RFX8: variants seen among roughly 807,000 people sequenced by gnomAD.
The protein encoded by RFX8 is regulatory factor X8.
A neutral mutation model predicts 54.6 loss-of-function variants in RFX8; 46 were observed. The observed-to-expected ratio is 0.84, with a 90% CI of 0.67 to 1.08. The LOEUF is 1.08. Ranked by LOEUF, RFX8 falls within the 50% of genes least tolerant of loss-of-function variation. The pLI, the probability that RFX8 is intolerant of heterozygous loss-of-function variation, is 0.00. For synonymous variants in RFX8, 192 were observed against 209.5 expected (o/e 0.92, Z 0.72); for missense variants, 536 against 562.3 (o/e 0.95, Z 0.47).
chr2:101,449,438 C>T (rs1196058928), intron 2 of RFX8, among the ~76,000 whole-genome samples: 1 of 151,926 alleles, frequency 6.6e-6, no homozygotes, highest in Non-Finnish European at 1.5e-5. Flanking sequence ...ATATGGGTTA[C>T]CAAAAAGAGT....
chr2:101,421,483 C>G, intron 4 of RFX8: 1 of 1,193,492 alleles, frequency 8.4e-7, no homozygotes, highest in Non-Finnish European at 1.0e-6. Context: ...GTATTTAGAG[C>G]CTAAAGTTAT....
chr2:101,460,314 G>A (rs1329994037), intron 2 of RFX8, among the ~76,000 whole-genome samples: 1 of 130,614 alleles, frequency 7.7e-6, no homozygotes, highest in Non-Finnish European at 1.7e-5. Flanking sequence ...GAAATCACCT[G>A]TCTTTCTGCG....
intron 2 of RFX8, among the ~76,000 whole-genome samples, chr2:101,450,014 G>A (rs570311678): frequency 3.4e-4 from 52 of 152,228 alleles, no homozygotes; most frequent in African/African-American, 1.2e-3. Context: ...TTGGCAACTG[G>A]ATGACACTCA....
intron 3 of RFX8, 86 bp downstream of exon 3, chr2:101,422,276 A>G (rs1686910276): frequency 1.4e-6 from 1 of 729,410 alleles, no homozygotes; most frequent in African/African-American, 1.7e-5. Context: ...TGACACAATC[A>G]TGACCACAGG....
chr2:101,429,302 G>T (rs1431914638), intron 2 of RFX8, among the ~76,000 whole-genome samples: 1 of 152,130 alleles, frequency 6.6e-6, no homozygotes, highest in East Asian at 1.9e-4. Flanking sequence ...TGTGGGAAAA[G>T]AAAAATCATC....
At chr2:101,464,888 G>A (rs1418234521) in intron 2 of RFX8, among the ~76,000 whole-genome samples, 1 of 152,150 alleles carries the variant, frequency 6.6e-6, no homozygotes, top group African/African-American at 2.4e-5. Flanking sequence ...GGCATCCCAT[G>A]GAGCTAAAAC....
At chr2:101,407,141 A>T (rs79805304) in intron 9 of RFX8, among the ~76,000 whole-genome samples, 1 of 152,170 alleles carries the variant, frequency 6.6e-6, no homozygotes, top group Non-Finnish European at 1.5e-5. Context: ...GCTCCACCAC[A>T]TGTCTTTGAG....
intron 10 of RFX8, 50 bp downstream of exon 10, chr2:101,405,893 G>A (rs1224426245): frequency 8.6e-7 from 1 of 1,161,834 alleles, no homozygotes; most frequent in Non-Finnish European, 1.2e-6. Flanking sequence ...ATGCCATAAT[G>A]ACATTTTTAA....
intron 2 of RFX8, among the ~76,000 whole-genome samples, chr2:101,426,325 G>GC: frequency 6.6e-6 from 1 of 151,778 alleles, no homozygotes; most frequent in African/African-American, 2.4e-5. Context: ...CATAGTAAGA[G>GC]CCTGTCTCTA....
intron 2 of RFX8, among the ~76,000 whole-genome samples, chr2:101,459,963 C>T (rs1007931621): frequency 5.9e-5 from 9 of 152,290 alleles, no homozygotes; most frequent in African/African-American, 1.9e-4. Context: ...GCCCCACCCC[C>T]CACCTGGCCG....
intron 2 of RFX8, among the ~76,000 whole-genome samples, chr2:101,439,553 A>G (rs536539916): frequency 1.3e-5 from 2 of 149,060 alleles, no homozygotes; most frequent in Admixed American, 6.6e-5. Context: ...CATATACATT[A>G]TGAGTTAATT....
At chr2:101,427,977 C>G (rs956917562) in intron 2 of RFX8, among the ~76,000 whole-genome samples, 18 of 152,160 alleles carry the variant, frequency 1.2e-4, no homozygotes, top group African/African-American at 4.1e-4. Flanking sequence ...ATCCCCCCCG[C>G]CCCCCGCAGG....
At chr2:101,417,801 A>C (rs1280755371) in intron 5 of RFX8, 117 bp from the exon 6 acceptor site, 1 of 733,040 alleles carries the variant, frequency 1.4e-6, no homozygotes, top group Non-Finnish European at 2.2e-6. Context: ...GTCCCCACCC[A>C]GGTTGAAGGG....
chr2:101,397,640 G>T lies in RFX8; in HGVS notation c.1330C>A (p.Leu444Ile). ...ATCACAAATTGTTGTCCATCTTTTA[G>T]GGTTATGAGGGCTTCTTGTCCCATA... ...LPMGQEALITLKDGQQFVIQI... is the reference protein window; with the variant it reads ...LPMGQEALITIKDGQQFVIQI... The change falls in exon 12 of 12, where the codon CTA (leucine) becomes ATA (isoleucine). Residue 444 changes from leucine (L) to isoleucine (I), a missense_variant. Leu to Ile is a conservative substitution (Grantham distance 5). Coordinates refer to ENST00000428343, the MANE Select transcript of RFX8 (RefSeq NM_001145664.2). The T allele has an allele frequency of 6.4e-7, 1 of 1,551,364 alleles. No individual in the cohort carries two copies. Among genetic ancestry groups the T allele is most frequent in the Non-Finnish European group, 8.7e-7 (1 of 1,146,806 alleles).
rs1003620127 is a variant in RFX8 at position 101,425,932 on chromosome 2, A to G, written c.73-3460T>C. 2.6e-5 allele frequency among the ~76,000 whole-genome samples: 4 copies of G among 152,216 alleles called. 1 individual carries two copies. The highest frequency in any genetic ancestry group is 2.6e-4 in the Admixed American group (4 of 15,286). ...GAAGAGGATGGAGAGAAGTTGATCA[A>G]TGGGTACAAACAGACAGAAGAAATG... On this transcript the variant is annotated intron_variant, in intron 2 of 11. Transcript: ENST00000428343.
chr2:101,426,473 C>G (rs538249899), intron 2 of RFX8, among the ~76,000 whole-genome samples: 4 of 152,114 alleles, frequency 2.6e-5, no homozygotes, highest in Admixed American at 6.6e-5. Flanking sequence ...GAGCTGTGAT[C>G]GTGCCACTGC....
chr2:101,446,086 G>A (rs1268029269), intron 2 of RFX8, among the ~76,000 whole-genome samples: 1 of 146,716 alleles, frequency 6.8e-6, no homozygotes, highest in Non-Finnish European at 1.5e-5. Context: ...CATTGGCAGT[G>A]AAGTTATCCT....
At chr2:101,426,438 G>A (rs753313360) in intron 2 of RFX8, among the ~76,000 whole-genome samples, 1 of 152,172 alleles carries the variant, frequency 6.6e-6, no homozygotes, top group Non-Finnish European at 1.5e-5. Context: ...AAGTTGGCTT[G>A]AGCCTAGAAG....
At position 101,425,585 on chromosome 2, in the gene RFX8, A is replaced by C. The variant is rs893709169; in HGVS notation, c.73-3113T>G. Among the ~76,000 whole-genome samples, 4 of 152,266 alleles carry C rather than the reference A, an allele frequency of 2.6e-5. No homozygotes were observed. In the East Asian group the frequency reaches 7.7e-4, roughly 29 times the overall value. On this transcript the variant is annotated intron_variant, in intron 2 of 11. Coordinates refer to ENST00000428343, the MANE Select transcript of RFX8 (RefSeq NM_001145664.2). Reference sequence around the variant, plus strand: ...GAAACAATTACAAGGAGAATATAAAAGTGTTTTATTACACAACATAATAAA... The same window carrying C: ...GAAACAATTACAAGGAGAATATAAACGTGTTTTATTACACAACATAATAAA...
Sources: allele counts gnomAD v4.1 joint callset (sites outside exome capture counted in the v4.1 genomes callset), GRCh38; gene constraint gnomAD v4.1.1; transcripts MANE v1.5; gene names NCBI Gene and HGNC (gene_info 2026-07-23, HGNC 2026-07-21).